Variants in ZNF273 observed in about 807,000 individuals in gnomAD.
ZNF273 encodes the protein zinc finger protein 9.
A neutral mutation model predicts 14.9 loss-of-function variants in ZNF273; 11 were observed. The observed-to-expected ratio is 0.74, with a 90% CI of 0.46 to 1.22. The LOEUF is 1.22. Ranked by LOEUF, ZNF273 falls within the 50% of genes most tolerant of loss-of-function variation. The pLI, the probability that ZNF273 is intolerant of heterozygous loss-of-function variation, is 0.00. For synonymous variants in ZNF273, 199 were observed against 223.9 expected (o/e 0.89, Z 0.99); for missense variants, 577 against 660.6 (o/e 0.87, Z 1.39).
At chr7:64,891,095 G>C (rs144005254), downstream of ZNF273, among the ~76,000 whole-genome samples, 184 of 152,356 alleles carry the variant, frequency 1.2e-3, 1 homozygote, top group African/African-American at 3.8e-3. Flanking sequence ...AGGTGGGTGA[G>C]GTTGCAGCCA....
At chr7:64,903,569 C>T in intron 1 of ZNF273, 150 bp downstream of exon 1, 2 of 832,216 alleles carry the variant, frequency 2.4e-6, no homozygotes, top group South Asian at 3.1e-5. Context: ...CCCTCAGTCC[C>T]CTTCAGTCAT....
downstream of ZNF273, among the ~76,000 whole-genome samples, chr7:64,935,250 C>T (rs1314425810): frequency 6.6e-6 from 1 of 152,036 alleles, no homozygotes; most frequent in Non-Finnish European, 1.5e-5. Flanking sequence ...AAGCTGGATG[C>T]CTTTGATTTT....
downstream of ZNF273, chr7:64,888,991 G>A (rs1791786527): frequency 7.1e-6 from 7 of 985,662 alleles, no homozygotes; most frequent in Middle Eastern, 1.6e-3. Flanking sequence ...GGTTAATAAG[G>A]GCAAGGGGCC....
intron 1 of ZNF273, among the ~76,000 whole-genome samples, chr7:64,887,880 G>A (rs1316334786): frequency 6.6e-6 from 1 of 151,738 alleles, no homozygotes; most frequent in African/African-American, 2.4e-5. Flanking sequence ...ACCCATTTCA[G>A]AGGGGTGGTC....
downstream of ZNF273, chr7:64,889,773 G>A (rs1322992612): frequency 1.7e-5 from 17 of 985,504 alleles, no homozygotes; most frequent in South Asian, 4.7e-5. This position sits in a 1 kb window ranked among gnomAD's most constrained non-coding sequence, Gnocchi z 4.2. Context: ...CAGGAGTCCC[G>A]AGCCCAAGCC....
chr7:64,929,229 G>A lies in ZNF273; in HGVS notation c.*191G>A. 6.2e-6 allele frequency: 1 copy of A among 161,162 alleles called. No homozygotes were observed. The highest frequency in any genetic ancestry group is 1.4e-4 in the East Asian group (1 of 7,222). 10.0% of individuals were successfully genotyped at this position (161,162 alleles called of 1,614,324 possible). ...GCTCATATCTTAACATCAGCGAGTT[G>A]GTATTTAATAAAAGCATTATCAATG... On this transcript the variant is annotated 3_prime_UTR_variant, in exon 4 of 4. Transcript: ENST00000476120.
In ZNF273 at chr7:64,896,781, T is replaced by G. The variant is rs142940912; in HGVS notation, n.489-567T>G. Reference sequence around the variant, plus strand: ...GCTCAGATGATCTATGTAACAATCATAAGTTATAGTATTAAATTAAAATGC... The same window carrying G: ...GCTCAGATGATCTATGTAACAATCAGAAGTTATAGTATTAAATTAAAATGC... On this transcript the variant is annotated intron_variant and non_coding_transcript_variant, in intron 3 of 7. Coordinates refer to the ZNF273 transcript ENST00000527278. 8.6e-3 allele frequency among the ~76,000 whole-genome samples: 1,304 copies of G among 152,104 alleles called. 18 individuals are homozygous for G. Among genetic ancestry groups the G allele is most frequent in the African/African-American group, 0.028 (1,163 of 41,492 alleles).
At chr7:64,878,583 C>T (rs1791175921) in intron 2 of ZNF273, 1 of 152,232 alleles carries the variant, frequency 6.6e-6, no homozygotes, top group South Asian at 2.1e-4. Flanking sequence ...AAGGTGCTTC[C>T]AACTCTAGTC....
chr7:64,918,083 A>G, intron 2 of ZNF273, 114 bp from the exon 3 acceptor site: 1 of 941,814 alleles, frequency 1.1e-6, no homozygotes, highest in Non-Finnish European at 1.5e-6. Context: ...CTAATTAGAT[A>G]TTTTGGGATT....
chr7:64,887,625 G>A (rs10256484), intron 1 of ZNF273, among the ~76,000 whole-genome samples: 63,028 of 151,486 alleles, frequency 0.42, 13,287 homozygotes, highest in South Asian at 0.45. Flanking sequence ...AGCCTCCCAA[G>A]TAGCTGAGAT....
rs536709075 is a variant in ZNF273, at chr7:64,913,386, G to C, written c.103-4195G>C. On this transcript the variant is annotated intron_variant, in intron 1 of 3. Coordinates refer to ENST00000476120, the MANE Select transcript of ZNF273 (RefSeq NM_021148.3). ...ATTGAATGTTTGGTACTAGCTCCCA[G>C]GGTGTTACGAGGATTCAATCACATA... 4.6e-5 allele frequency among the ~76,000 whole-genome samples: 7 copies of C among 152,346 alleles called. 1 individual carries two copies. Among genetic ancestry groups the C allele is most frequent in the Admixed American group, 4.6e-4 (7 of 15,300 alleles).
chr7:64,892,013 A>G (rs1010631546), downstream of ZNF273, among the ~76,000 whole-genome samples: 2 of 152,116 alleles, frequency 1.3e-5, no homozygotes, highest in African/African-American at 4.8e-5. Flanking sequence ...GTGCCTTTCA[A>G]TGACTCTCAT....
At chr7:64,914,361 A>AC in intron 1 of ZNF273, among the ~76,000 whole-genome samples, 1 of 148,414 alleles carries the variant, frequency 6.7e-6, no homozygotes, top group South Asian at 2.2e-4. Context: ...AAAAAAAAAA[A>AC]ACACTATTAT....
intron 3 of ZNF273, chr7:64,897,293 GAAAAGTGTGTCTCTCATA>G (rs1032235110): frequency 5.9e-5 from 9 of 152,182 alleles, no homozygotes; most frequent in African/African-American, 2.2e-4. Context: ...ATCACTGAAA[GAAAAGTGTGTCTCTCATA>G]AAAAGCTAAT....
At chr7:64,878,079 T>TGTGGCTCAC (rs1199112686) in intron 1 of ZNF273, among the ~76,000 whole-genome samples, 2 of 152,154 alleles carry the variant, frequency 1.3e-5, no homozygotes, top group African/African-American at 4.8e-5. Flanking sequence ...GCTGAAAGGA[T>TGTGGCTCAC]GTGGCTCACG....
chr7:64,905,431 T>G (rs1444293100), intron 1 of ZNF273, among the ~76,000 whole-genome samples: 6 of 149,362 alleles, frequency 4.0e-5, no homozygotes, highest in African/African-American at 1.5e-4. Context: ...TTTTTTTTTT[T>G]TTTTTTTTTT....
chr7:64,933,281 C>A (rs1403501513), downstream of ZNF273: 1 of 152,180 alleles, frequency 6.6e-6, no homozygotes, highest in Non-Finnish European at 1.5e-5. Flanking sequence ...TCTCACTTTT[C>A]TTAATATATA....
At chr7:64,907,634 G>T (rs1161926854) in intron 1 of ZNF273, among the ~76,000 whole-genome samples, 2 of 152,142 alleles carry the variant, frequency 1.3e-5, no homozygotes, top group Non-Finnish European at 2.9e-5. Flanking sequence ...ACCCTGGGTG[G>T]TGTCAGAATT....
At position 64,929,467 on chromosome 7, in the gene ZNF273, T is replaced by C. The variant is rs1358291202; in HGVS notation, c.*429T>C. 6.5e-6 allele frequency: 1 copy of C among 152,764 alleles called. No homozygotes were observed. The highest frequency in any genetic ancestry group is 2.4e-5 in the African/African-American group (1 of 41,460). 9.5% of individuals were successfully genotyped at this position (152,764 alleles called of 1,614,324 possible). On this transcript the variant is annotated 3_prime_UTR_variant, in exon 4 of 4. Coordinates refer to ENST00000476120, the MANE Select transcript of ZNF273 (RefSeq NM_021148.3). Reference sequence around the variant, plus strand: ...GGAAATTTATATTGGAGAAAAACCCTATGAGTGTAATGAATTTGGAAAAAT... The same window carrying C: ...GGAAATTTATATTGGAGAAAAACCCCATGAGTGTAATGAATTTGGAAAAAT...
Sources: gnomAD v4.1 joint callset for allele counts (sites outside exome capture counted in the v4.1 genomes callset) on GRCh38, gnomAD v4.1.1 for gene constraint, Gnocchi (gnomAD v3.1) non-coding constraint, MANE v1.5 for transcripts, NCBI Gene and HGNC (gene_info 2026-07-23, HGNC 2026-07-21) for gene names.